DYM: variants seen among roughly 807,000 people sequenced by gnomAD.
The protein encoded by DYM is dyggve-Melchior-Clausen syndrome protein.
A neutral mutation model predicts 93.1 loss-of-function variants in DYM; 78 were observed. The observed-to-expected ratio is 0.84, with a 90% CI of 0.70 to 1.01. DYM has a LOEUF of 1.01. Ranked by LOEUF, DYM falls within the 50% of genes least tolerant of loss-of-function variation. The pLI is 0.00. For synonymous variants in DYM, 321 were observed against 319.7 expected (o/e 1.00, Z -0.04); for missense variants, 789 against 845.0 (o/e 0.93, Z 0.82).
rs774161144 is a variant in DYM at position 49,392,184 on chromosome 18, G to A, written c.141-539C>T. Among the ~76,000 whole-genome samples, 15 of 152,102 alleles carry A rather than the reference G, an allele frequency of 9.9e-5. 1 individual carries two copies. The highest frequency in any genetic ancestry group is 1.9e-4 in the Non-Finnish European group (13 of 68,018). On this transcript the variant is annotated intron_variant, in intron 2 of 17. Transcript: ENST00000675505. ...ACAAAGATACAAACATACAGAAACA[G>A]ATACAGAGACAGACTCAAGATGACA...
chr18:49,375,800 T>G (rs1174254698), intron 5 of DYM: 2 of 152,132 alleles, frequency 1.3e-5, no homozygotes, highest in African/African-American at 4.8e-5. Context: ...TCAATCTGGG[T>G]GGGCACCATC....
chr18:49,130,036 C>A (rs1233494379), intron 15 of DYM, among the ~76,000 whole-genome samples: 1 of 152,144 alleles, frequency 6.6e-6, no homozygotes, highest in Non-Finnish European at 1.5e-5. Context: ...GGATCCTATA[C>A]GCATACCAAT....
At chr18:49,394,295 T>C (rs952512719) in intron 2 of DYM, among the ~76,000 whole-genome samples, 1 of 152,174 alleles carries the variant, frequency 6.6e-6, no homozygotes, top group Admixed American at 6.5e-5. Context: ...AAGGTTATTA[T>C]GATTAAATTA....
At chr18:49,232,696 C>T (rs189801718) in intron 13 of DYM, among the ~76,000 whole-genome samples, 16 of 148,152 alleles carry the variant, frequency 1.1e-4, no homozygotes, top group African/African-American at 4.0e-4. Context: ...GCAACCTCTG[C>T]GTCCCGGGTT....
rs3084549 is a variant in DYM at position 49,254,281 on chromosome 18, CATATAT to C, written c.1460+2723_1460+2728del. 1.9e-3 allele frequency among the ~76,000 whole-genome samples: 264 copies of C among 136,512 alleles called. 1 individual carries two copies. Among genetic ancestry groups the C allele is most frequent in the East Asian group, 3.4e-3 (14 of 4,080 alleles). 89.6% of individuals were successfully genotyped at this position (136,512 alleles called of 152,430 possible). ...TCTGCTGTATAAAAGATCCTTGTATCATATATATATATATATATATATATATATATA... is the reference window on the plus strand; with the variant it reads ...TCTGCTGTATAAAAGATCCTTGTATCATATATATATATATATATATATATA... On this transcript the variant is annotated intron_variant, in intron 13 of 17. Coordinates refer to ENST00000675505, the MANE Select transcript of DYM (RefSeq NM_001353214.3).
At chr18:49,157,102 G>A (rs1035018847) in intron 15 of DYM, among the ~76,000 whole-genome samples, 1 of 152,112 alleles carries the variant, frequency 6.6e-6, no homozygotes, top group East Asian at 1.9e-4. Context: ...AGCACCCTGG[G>A]AAGAGGGAGT....
In DYM at chr18:49,390,432, T is replaced by TA. The variant is rs903814057; in HGVS notation, c.193+1160dup. 4.8e-3 allele frequency among the ~76,000 whole-genome samples: 694 copies of TA among 145,756 alleles called. 5 individuals are homozygous for TA. Among genetic ancestry groups the TA allele is most frequent in the African/African-American group, 0.015 (613 of 39,968 alleles). Reference sequence around the variant, plus strand: ...GCAGCAAAGCAAGACTCTATCTCTTTAAAAAAAAAAATAAATCATCAAAAA... The same window carrying TA: ...GCAGCAAAGCAAGACTCTATCTCTTTAAAAAAAAAAAATAAATCATCAAAAA... On this transcript the variant is annotated intron_variant, in intron 3 of 17. Transcript: ENST00000675505.
At chr18:49,112,113 G>GCCTCCTCTCCGCACACC (rs2081462903) in intron 16 of DYM, among the ~76,000 whole-genome samples, 1 of 126,184 alleles carries the variant, frequency 7.9e-6, no homozygotes, top group Admixed American at 8.5e-5. Flanking sequence ...CTCTGCACCC[G>GCCTCCTCTCCGCACACC]CCTCCTCTCC....
chr18:49,108,458 T>A (rs2145798798), intron 16 of DYM, among the ~76,000 whole-genome samples: 1 of 152,362 alleles, frequency 6.6e-6, no homozygotes, highest in African/African-American at 2.4e-5. Context: ...ACCCGGTATC[T>A]CAGTTGGAAA....
chr18:49,069,561 G>C (rs959979647), intron 17 of DYM, among the ~76,000 whole-genome samples: 5 of 152,186 alleles, frequency 3.3e-5, no homozygotes, highest in African/African-American at 9.7e-5. Context: ...CTTGTGTGTT[G>C]TTTAGTTTAT....
chr18:49,200,376 GT>G (rs1368511451), intron 14 of DYM, among the ~76,000 whole-genome samples: 31 of 151,760 alleles, frequency 2.0e-4, no homozygotes, highest in Admixed American at 2.0e-3. Context: ...TTATGTAGTT[GT>G]TTTAATAGCA....
chr18:49,175,899 C>T (rs564379780), intron 14 of DYM, among the ~76,000 whole-genome samples: 3 of 152,244 alleles, frequency 2.0e-5, no homozygotes, highest in Non-Finnish European at 4.4e-5. Flanking sequence ...CAAAAGGGCA[C>T]ACCCTGCATT....
intron 17 of DYM, among the ~76,000 whole-genome samples, chr18:49,078,850 G>A (rs1292639066): frequency 6.6e-6 from 1 of 152,120 alleles, no homozygotes; most frequent in Admixed American, 6.5e-5. Context: ...TTTCCATCCG[G>A]CATCATTTTT....
intron 1 of DYM, among the ~76,000 whole-genome samples, chr18:49,446,817 G>C (rs754787797): frequency 8.5e-5 from 13 of 152,136 alleles, no homozygotes; most frequent in Non-Finnish European, 1.9e-4. Flanking sequence ...CCAGCACTTC[G>C]GCAGGCCAAA....
chr18:49,324,138 C>CAAAAAAAAAAAAAAAAAAAAA (rs59640889), intron 8 of DYM, among the ~76,000 whole-genome samples: 1 of 54,436 alleles, frequency 1.8e-5, no homozygotes, highest in Non-Finnish European at 3.2e-5. Context: ...GGCTCTGTCT[C>CAAAAAAAAAAAAAAAAAAAAA]AAAAAAAAAA....
At chr18:49,104,894 G>T (rs953020112) in intron 16 of DYM, among the ~76,000 whole-genome samples, 1 of 152,322 alleles carries the variant, frequency 6.6e-6, no homozygotes, top group African/African-American at 2.4e-5. Flanking sequence ...TCTCCGCCAG[G>T]CTTTGGTATC....
At chr18:49,419,220 C>T (rs1046000367) in intron 2 of DYM, among the ~76,000 whole-genome samples, 9 of 151,950 alleles carry the variant, frequency 5.9e-5, no homozygotes, top group South Asian at 2.1e-4. Context: ...ATTAGCCAGG[C>T]GTGATGGCAG....
chr18:49,309,003 G>T (rs2061431770), intron 8 of DYM, among the ~76,000 whole-genome samples: 1 of 152,018 alleles, frequency 6.6e-6, no homozygotes, highest in Non-Finnish European at 1.5e-5. Context: ...TAATGGCATA[G>T]AAAACACACC....
At chr18:49,099,872 T>C (rs1020467908) in intron 16 of DYM, among the ~76,000 whole-genome samples, 6 of 152,210 alleles carry the variant, frequency 3.9e-5, no homozygotes, top group South Asian at 2.1e-4. Context: ...GTGGCACTTG[T>C]TCCAGGAGGA....
Sources: gnomAD v4.1 joint callset for allele counts (sites outside exome capture counted in the v4.1 genomes callset) on GRCh38, gnomAD v4.1.1 for gene constraint, MANE v1.5 for transcripts, NCBI Gene and HGNC (gene_info 2026-07-23, HGNC 2026-07-21) for gene names.